NDST4: variants seen among roughly 807,000 people sequenced by gnomAD.
NDST4 encodes the protein N-heparan sulfate sulfotransferase 4.
Under a neutral mutation model 100.8 loss-of-function variants are expected in NDST4, and 63 were observed. That is an observed-to-expected ratio of 0.62 (90% CI 0.51 to 0.77). The LOEUF (loss-of-function observed/expected upper bound fraction) is 0.77. Ranked by LOEUF, NDST4 falls within the 30% of genes least tolerant of loss-of-function variation. The pLI, the probability that NDST4 is intolerant of heterozygous loss-of-function variation, is 0.00. For synonymous variants in NDST4, 377 were observed against 361.8 expected, an observed-to-expected ratio of 1.04 and a Z score of -0.48; for missense variants, 943 against 1,018.4, an observed-to-expected ratio of 0.93 and a Z score of 1.01.
intron 2 of NDST4, among the ~76,000 whole-genome samples, chr4:114,992,462 C>T (rs999089812): frequency 2.0e-5 from 3 of 151,480 alleles, no homozygotes; most frequent in East Asian, 3.9e-4. Flanking sequence ...ATTAAAGTTC[C>T]GAATTTACAT....
At chr4:114,900,369 A>G (rs1724809831) in intron 6 of NDST4, among the ~76,000 whole-genome samples, 1 of 151,926 alleles carries the variant, frequency 6.6e-6, no homozygotes, top group Non-Finnish European at 1.5e-5. Context: ...GATTACTTTA[A>G]ATTTTCTAGT....
At chr4:115,044,957 G>A (rs993184648) in intron 2 of NDST4, among the ~76,000 whole-genome samples, 6 of 150,990 alleles carry the variant, frequency 4.0e-5, no homozygotes, top group Non-Finnish European at 8.8e-5. Flanking sequence ...GTTAAGTGTC[G>A]ACAAAAATGT....
chr4:114,939,724 A>T (rs1331468223), intron 4 of NDST4, among the ~76,000 whole-genome samples: 1 of 151,712 alleles, frequency 6.6e-6, no homozygotes, highest in East Asian at 1.9e-4. Context: ...GGTGAGTAGG[A>T]AGGAAGGGCA....
intron 1 of NDST4, among the ~76,000 whole-genome samples, chr4:115,081,604 G>A (rs1729303993): frequency 6.6e-6 from 1 of 152,036 alleles, no homozygotes; most frequent in Non-Finnish European, 1.5e-5. Context: ...TGTTAAATGA[G>A]TCACATAAAA....
chr4:114,965,671 T>C (rs1726364200), intron 4 of NDST4, among the ~76,000 whole-genome samples: 1 of 152,066 alleles, frequency 6.6e-6, no homozygotes, highest in African/African-American at 2.4e-5. Flanking sequence ...GGATATTTCA[T>C]GTCTGCAACT....
chr4:114,870,739 C>T, intron 7 of NDST4, 29 bp downstream of exon 7: 1 of 1,552,116 alleles, frequency 6.4e-7, no homozygotes, highest in African/African-American at 1.4e-5. Flanking sequence ...TTCTTTCCTT[C>T]CACCCCAAGA....
rs530623084 is a variant in NDST4, at chr4:115,013,419, A to C, written c.979-36145T>G. Among the ~76,000 whole-genome samples the C allele has an allele frequency of 2.2e-4, 32 of 143,864 alleles. 1 individual carries two copies. Among genetic ancestry groups the C allele is most frequent in the Admixed American group, 1.7e-3 (24 of 13,728 alleles). The allele number at this position is 143,864 out of a possible 152,430, so 94.4% of individuals were successfully genotyped here. A position where few individuals can be genotyped will look rare whatever the true frequency, so the allele number is the denominator to read the frequency against. Reference sequence around the variant, plus strand: ...GTACCCACAGAAATTAAAACTTAAAAACTTATAACACACTGTTAATCTTTC... The same window carrying C: ...GTACCCACAGAAATTAAAACTTAAACACTTATAACACACTGTTAATCTTTC... On this transcript the variant is annotated intron_variant, in intron 2 of 13. Coordinates refer to ENST00000264363, the MANE Select transcript of NDST4 (RefSeq NM_022569.3).
At chr4:114,837,897 A>C (rs374107395) in intron 11 of NDST4, among the ~76,000 whole-genome samples, 9 of 152,312 alleles carry the variant, frequency 5.9e-5, no homozygotes, top group African/African-American at 1.7e-4. Context: ...GACTACCTAA[A>C]GAATGGGAGA....
chr4:114,995,210 C>A (rs1023803861), intron 2 of NDST4, among the ~76,000 whole-genome samples: 2 of 151,940 alleles, frequency 1.3e-5, no homozygotes, highest in Non-Finnish European at 2.9e-5. Flanking sequence ...GAAGCCAGAA[C>A]TGTCTTACTA....
chr4:115,104,583 C>G (rs1729799960), intron 1 of NDST4, among the ~76,000 whole-genome samples: 1 of 152,022 alleles, frequency 6.6e-6, no homozygotes, highest in Non-Finnish European at 1.5e-5. Context: ...TATTTGGCCC[C>G]TTTTTCTAAC....
chr4:114,971,041 A>G (rs1276257293), intron 3 of NDST4, among the ~76,000 whole-genome samples: 2 of 152,088 alleles, frequency 1.3e-5, no homozygotes, highest in Non-Finnish European at 2.9e-5. Flanking sequence ...AAGCCCAAAA[A>G]CAAACACAAA....
At chr4:114,965,361 T>C (rs1320893180) in intron 4 of NDST4, among the ~76,000 whole-genome samples, 1 of 152,090 alleles carries the variant, frequency 6.6e-6, no homozygotes, top group East Asian at 1.9e-4. Flanking sequence ...GTGCAGCCTA[T>C]TATGACACTT....
At chr4:115,040,567 T>C (rs1904480) in intron 2 of NDST4, among the ~76,000 whole-genome samples, 2 of 151,494 alleles carry the variant, frequency 1.3e-5, no homozygotes, top group Admixed American at 1.3e-4. Context: ...CTTCCTGTTT[T>C]TGTTGGAAGT....
chr4:115,062,339 T>G (rs554186668), intron 2 of NDST4, among the ~76,000 whole-genome samples: 6 of 152,156 alleles, frequency 3.9e-5, no homozygotes, highest in African/African-American at 1.4e-4. Flanking sequence ...GCAAACAAAG[T>G]AATTTTAACA....
intron 6 of NDST4, among the ~76,000 whole-genome samples, chr4:114,907,062 T>C (rs973137316): frequency 2.0e-5 from 3 of 152,162 alleles, no homozygotes; most frequent in African/African-American, 7.2e-5. Flanking sequence ...TGAAAACTAA[T>C]ATTTCCCAGA....
rs563849503 is a variant in NDST4, at chr4:115,039,255, G to A, written c.978+36804C>T. On this transcript the variant is annotated intron_variant, in intron 2 of 13. Coordinates refer to ENST00000264363, the MANE Select transcript of NDST4 (RefSeq NM_022569.3). Reference sequence around the variant, plus strand: ...CACCAAGAATAGAACACAAAATCCCGAAGGATGCCCACTGGAAATCATTGC... The same window carrying A: ...CACCAAGAATAGAACACAAAATCCCAAAGGATGCCCACTGGAAATCATTGC... Among the ~76,000 whole-genome samples the A allele has an allele frequency of 1.7e-4, 26 of 152,206 alleles. 1 individual carries two copies. In the South Asian group the frequency reaches 2.1e-3, roughly 12 times the overall value.
chr4:115,062,483 T>C lies in NDST4; in HGVS notation c.978+13576A>G, dbSNP rs540646538. On this transcript the variant is annotated intron_variant, in intron 2 of 13. Transcript: ENST00000264363. ...TGCCCACAAGCGATGCATGATCATA[T>C]TGATATATTTAACTACAATAAAATT... Among the ~76,000 whole-genome samples the C allele has an allele frequency of 7.1e-4, 108 of 152,002 alleles. 1 individual carries two copies. Among genetic ancestry groups the C allele is most frequent in the African/African-American group, 2.5e-3 (102 of 41,474 alleles).
At chr4:115,059,702 C>T (rs752805345) in intron 2 of NDST4, among the ~76,000 whole-genome samples, 8 of 151,924 alleles carry the variant, frequency 5.3e-5, no homozygotes, top group Non-Finnish European at 8.8e-5. Context: ...TTTTAAAAAG[C>T]GGGTACATTC....
At chr4:115,105,960 C>A (rs1231283505) in intron 1 of NDST4, among the ~76,000 whole-genome samples, 2 of 152,064 alleles carry the variant, frequency 1.3e-5, no homozygotes, top group African/African-American at 4.8e-5. Context: ...GATGTCTTCT[C>A]ACATTTTACA....
Sources: allele counts gnomAD v4.1 joint callset (sites outside exome capture counted in the v4.1 genomes callset), GRCh38; gene constraint gnomAD v4.1.1; transcripts MANE v1.5; gene names NCBI Gene and HGNC (gene_info 2026-07-23, HGNC 2026-07-21).